The following SUPT3H variants were observed in gnomAD, a reference collection of about 807,000 sequenced individuals.
The protein encoded by SUPT3H is SPT3 homolog, SAGA and STAGA complex component.
Under a neutral mutation model 44.3 loss-of-function variants are expected in SUPT3H, and 44 were observed. The observed-to-expected ratio is 0.99, with a 90% CI of 0.78 to 1.28. SUPT3H has a LOEUF of 1.28. SUPT3H is among the 50% of genes most tolerant of loss of function. The pLI, the probability that SUPT3H is intolerant of heterozygous loss-of-function variation, is 0.00. For missense variants in SUPT3H, 380 were observed against 387.1 expected (o/e 0.98, Z 0.15); for synonymous variants, 124 against 125.6 (o/e 0.99, Z 0.09).
chr6:45,195,462 T>C (rs927533937), intron 2 of SUPT3H, among the ~76,000 whole-genome samples: 1 of 152,158 alleles, frequency 6.6e-6, no homozygotes, highest in African/African-American at 2.4e-5. Context: ...CTATGAATAT[T>C]ATCATTTTTC....
chr6:45,249,453 A>C lies in SUPT3H; in HGVS notation c.101+115748T>G, dbSNP rs184249734. On this transcript the variant is annotated intron_variant, in intron 2 of 10. Coordinates refer to ENST00000371459, the MANE Select transcript of SUPT3H (RefSeq NM_003599.4). ...AAGGAATACAAACAACAGACACACA[A>C]AAAAAAAAAGGGAAAGGAAGACAGC... 2.4e-3 allele frequency among the ~76,000 whole-genome samples: 350 copies of C among 148,064 alleles called. 4 individuals are homozygous for C. Among genetic ancestry groups the C allele is most frequent in the South Asian group, 0.013 (63 of 4,694 alleles).
chr6:45,063,650 T>C (rs1407566784), intron 3 of SUPT3H, among the ~76,000 whole-genome samples: 1 of 33,584 alleles, frequency 3.0e-5, no homozygotes, highest in African/African-American at 1.2e-4. Context: ...GCTCGAGAAC[T>C]ACGTGAAGAA....
At chr6:44,956,872 G>C (rs1775299279) in intron 7 of SUPT3H, among the ~76,000 whole-genome samples, 1 of 152,136 alleles carries the variant, frequency 6.6e-6, no homozygotes, top group South Asian at 2.1e-4. Context: ...TTTCACAAAT[G>C]CTTATAATTT....
At chr6:45,177,743 G>C (rs866158535) in intron 2 of SUPT3H, among the ~76,000 whole-genome samples, 4,472 of 152,098 alleles carry the variant, frequency 0.029, 91 homozygotes, top group Non-Finnish European at 0.047. Context: ...CTACAAGCCA[G>C]AAGAGAGTGG....
Position 45,179,204 on chromosome 6 carries a change from C to A in SUPT3H, c.102-73198G>T, listed in dbSNP as rs137977879. ...GAAGAAGTTGAATCTCTGAACAGAC[C>A]AATAACAGGAGCTGAAATTGTGTAA... On this transcript the variant is annotated intron_variant, in intron 2 of 10. Transcript: ENST00000371459. Among the ~76,000 whole-genome samples the A allele has an allele frequency of 2.7e-3, 406 of 152,226 alleles. 3 individuals are homozygous for A. Among genetic ancestry groups the A allele is most frequent in the Middle Eastern group, 0.01 (3 of 294 alleles).
At chr6:45,338,595 A>C (rs1257468545) in intron 2 of SUPT3H, among the ~76,000 whole-genome samples, 2 of 152,092 alleles carry the variant, frequency 1.3e-5, no homozygotes, top group East Asian at 3.9e-4. Context: ...GAATTTAGGA[A>C]GCTCTGAGGG....
At chr6:45,162,055 A>G (rs1309135086) in intron 2 of SUPT3H, among the ~76,000 whole-genome samples, 2 of 152,100 alleles carry the variant, frequency 1.3e-5, no homozygotes, top group African/African-American at 4.8e-5. Flanking sequence ...AAACAAAAAC[A>G]TGGAACTGAC....
intron 2 of SUPT3H, among the ~76,000 whole-genome samples, chr6:45,264,267 G>A (rs1254665429): frequency 6.6e-6 from 1 of 151,550 alleles, no homozygotes; most frequent in African/African-American, 2.4e-5. Context: ...TAAGATTTCA[G>A]AAGAAGTATT....
chr6:45,247,713 A>G (rs1301230889), intron 2 of SUPT3H, among the ~76,000 whole-genome samples: 1 of 150,648 alleles, frequency 6.6e-6, no homozygotes, highest in Non-Finnish European at 1.5e-5. Flanking sequence ...TTGTAGACAT[A>G]GAAACCCAAT....
chr6:44,832,923 CT>C (rs1554130683), intron 10 of SUPT3H, among the ~76,000 whole-genome samples: 1 of 151,992 alleles, frequency 6.6e-6, no homozygotes, highest in Non-Finnish European at 1.5e-5. Flanking sequence ...TGGTTTACTT[CT>C]GTTTTTTATG....
chr6:45,061,929 T>G (rs1420494928), intron 3 of SUPT3H, among the ~76,000 whole-genome samples: 1 of 146,080 alleles, frequency 6.8e-6, no homozygotes, highest in African/African-American at 2.5e-5. Flanking sequence ...AAGACTCAAA[T>G]TCTAATTGAA....
chr6:44,850,974 G>T (rs144660974), intron 10 of SUPT3H, among the ~76,000 whole-genome samples: 1 of 152,144 alleles, frequency 6.6e-6, no homozygotes, highest in Non-Finnish European at 1.5e-5. Context: ...CATAGACCAA[G>T]TTCTCTCTTT....
intron 2 of SUPT3H, among the ~76,000 whole-genome samples, chr6:45,217,423 C>T (rs945240540): frequency 6.6e-6 from 1 of 151,464 alleles, no homozygotes; most frequent in African/African-American, 2.4e-5. Context: ...TGCAGTGAGC[C>T]GACATCACGC....
At chr6:44,954,151 C>T (rs1350553511) in intron 8 of SUPT3H, among the ~76,000 whole-genome samples, 2 of 152,202 alleles carry the variant, frequency 1.3e-5, no homozygotes, top group Admixed American at 1.3e-4. Context: ...TTGGTAAGTA[C>T]TCCTAAATTC....
chr6:45,062,306 C>T (rs554743476), intron 3 of SUPT3H, among the ~76,000 whole-genome samples: 3 of 152,178 alleles, frequency 2.0e-5, no homozygotes, highest in South Asian at 2.1e-4. Context: ...CTACACTGTA[C>T]TAAATTCTAG....
chr6:45,019,123 G>A (rs1784739719), intron 4 of SUPT3H, among the ~76,000 whole-genome samples: 1 of 152,098 alleles, frequency 6.6e-6, no homozygotes, highest in African/African-American at 2.4e-5. Context: ...AGATTTTCTA[G>A]TTTATTTGCG....
intron 6 of SUPT3H, among the ~76,000 whole-genome samples, chr6:44,981,165 G>T (rs1449644130): frequency 6.6e-6 from 1 of 152,062 alleles, no homozygotes; most frequent in African/African-American, 2.4e-5. Context: ...TTCATCTTAG[G>T]GAGAAATACA....
At chr6:45,049,832 C>T (rs78581059) in intron 3 of SUPT3H, among the ~76,000 whole-genome samples, 1 of 151,908 alleles carries the variant, frequency 6.6e-6, no homozygotes, top group Non-Finnish European at 1.5e-5. Flanking sequence ...TAAAGCAGCC[C>T]CTTACAATTA....
At chr6:45,351,182 G>T (rs984686651) in intron 2 of SUPT3H, among the ~76,000 whole-genome samples, 6 of 152,002 alleles carry the variant, frequency 3.9e-5, no homozygotes, top group African/African-American at 1.5e-4. Flanking sequence ...GCTGGTCACA[G>T]AAACTAAGAT....
Sources: allele counts gnomAD v4.1 joint callset (sites outside exome capture counted in the v4.1 genomes callset), GRCh38; gene constraint gnomAD v4.1.1; transcripts MANE v1.5; gene names NCBI Gene and HGNC (gene_info 2026-07-23, HGNC 2026-07-21).